MRNIP: variants seen among roughly 807,000 people sequenced by gnomAD.
MRNIP encodes the protein MRN complex interacting protein.
In MRNIP, 30 loss-of-function variants were observed where a neutral mutation model predicts 29.8. The observed-to-expected ratio is 1.01, with a 90% CI of 0.75 to 1.36. The LOEUF (loss-of-function observed/expected upper bound fraction) is 1.36. MRNIP is among the 40% of genes most tolerant of loss of function. MRNIP has a pLI of 0.00. For synonymous variants in MRNIP, 201 were observed against 164.1 expected, an observed-to-expected ratio of 1.23 and a Z score of -1.72; for missense variants, 459 against 423.5, an observed-to-expected ratio of 1.08 and a Z score of -0.74.
At chr5:179,841,631 G>T in intron 5 of MRNIP, 1 of 416,918 alleles carries the variant, frequency 2.4e-6, no homozygotes, top group Non-Finnish European at 4.3e-6. Context: ...CTCTCCCCTG[G>T]GGTCAGTACA....
In MRNIP at chr5:179,837,659, C is replaced by T. The variant is rs761182927; in HGVS notation, c.764G>A (p.Arg255Lys). The part of the protein sequence containing the change: ...EQPRSLQRDP[R>K]PAGPAQAKQG... ...CTTAGCCTGTGCTGGACCAGCTGGC[C>T]TGGGGTCCCTCTGAAGAGACCTTGG... Residue 255 changes from arginine to lysine, a missense_variant, in exon 7 of 7, where the codon AGG becomes AAG. Arg to Lys is a conservative substitution (Grantham distance 26, BLOSUM62 2). Coordinates refer to ENST00000292586, the MANE Select transcript of MRNIP (RefSeq NM_016175.4). The T allele has an allele frequency of 6.2e-7, 1 of 1,614,220 alleles. No homozygotes were observed. The highest frequency in any genetic ancestry group is 1.7e-5 in the Admixed American group (1 of 60,038).
At chr5:179,842,524 A>AAAC (rs1268080356) in intron 4 of MRNIP, among the ~76,000 whole-genome samples, 1 of 147,764 alleles carries the variant, frequency 6.8e-6, no homozygotes, top group African/African-American at 2.5e-5. Flanking sequence ...ACTAAAAAAA[A>AAAC]AACAACAACA....
chr5:179,838,433 T>G (rs1333197996), intron 6 of MRNIP: 1 of 160,116 alleles, frequency 6.2e-6, no homozygotes, highest in Admixed American at 5.8e-5. Context: ...CCCAGCACTT[T>G]GGGAGGCCAA....
At chr5:179,842,144 GC>G in intron 4 of MRNIP, 80 bp from the exon 5 acceptor site, 1 of 1,406,352 alleles carries the variant, frequency 7.1e-7, no homozygotes, top group Non-Finnish European at 9.8e-7. Context: ...CAACTCTTGG[GC>G]CTGAGGATCT....
In MRNIP at chr5:179,840,854, A is replaced by C. The variant is rs1159651653; in HGVS notation, c.537+18T>G. On this transcript the variant is annotated intron_variant, in intron 6 of 6. Coordinates refer to ENST00000292586, the MANE Select transcript of MRNIP (RefSeq NM_016175.4). Reference sequence around the variant, plus strand: ...CTCAGTGGTCACTGGGACCAGAGAGAAACTGTTTGTCACTGACCTTCTGGG... The same window carrying C: ...CTCAGTGGTCACTGGGACCAGAGAGCAACTGTTTGTCACTGACCTTCTGGG... 6.4e-7 allele frequency: 1 copy of C among 1,564,088 alleles called. No individual in the cohort carries two copies. The highest frequency in any genetic ancestry group is 1.7e-5 in the Admixed American group (1 of 59,222).
chr5:179,849,879 TGG>T (rs1759286796), intron 2 of MRNIP, among the ~76,000 whole-genome samples: 1 of 62,916 alleles, frequency 1.6e-5, no homozygotes. Context: ...GGTCCCGCTA[TGG>T]CACAGGCAGA....
At chr5:179,841,011 G>A (rs758774640) in intron 5 of MRNIP, 52 bp from the exon 6 acceptor site, 14 of 1,326,476 alleles carry the variant, frequency 1.1e-5, no homozygotes, top group Middle Eastern at 2.5e-4. Context: ...GTGGCACCCC[G>A]AGCCTGACTC....
chr5:179,845,621 G>A (rs1347381083), intron 3 of MRNIP, among the ~76,000 whole-genome samples: 1 of 151,380 alleles, frequency 6.6e-6, no homozygotes, highest in Non-Finnish European at 1.5e-5. Flanking sequence ...TCAGCCTCCT[G>A]AGTAGCTGGG....
chr5:179,841,808 TC>T, intron 5 of MRNIP, 98 bp downstream of exon 5: 4 of 1,318,992 alleles, frequency 3.0e-6, no homozygotes, highest in Non-Finnish European at 4.2e-6. Context: ...CACCTAGGCT[TC>T]CCGCGCTTGG....
At chr5:179,851,560 CG>C (rs1286541912) in intron 2 of MRNIP, 4 of 418,132 alleles carry the variant, frequency 9.6e-6, no homozygotes, top group African/African-American at 6.2e-5. Flanking sequence ...TTCAAGGGAC[CG>C]GGGATGAAGT....
At chr5:179,847,812 G>A (rs907994436) in intron 3 of MRNIP, 166 bp downstream of exon 3, 10 of 591,666 alleles carry the variant, frequency 1.7e-5, no homozygotes, top group Non-Finnish European at 2.4e-5. Context: ...CCCCGGGGTC[G>A]GTTCTGAGGG....
intron 3 of MRNIP, among the ~76,000 whole-genome samples, chr5:179,845,125 C>T (rs1349881600): frequency 6.6e-6 from 1 of 152,112 alleles, no homozygotes; most frequent in Admixed American, 6.6e-5. Flanking sequence ...GAATAATTTT[C>T]TAGATTTATC....
intron 2 of MRNIP, 185 bp downstream of exon 2, chr5:179,853,193 G>A (rs1454853276): frequency 6.6e-7 from 1 of 1,522,438 alleles, no homozygotes; most frequent in Non-Finnish European, 8.8e-7. Flanking sequence ...TCAAATGGCA[G>A]TACCTTTCCA....
At chr5:179,848,947 C>T (rs547025166) in intron 2 of MRNIP, among the ~76,000 whole-genome samples, 28 of 152,298 alleles carry the variant, frequency 1.8e-4, no homozygotes, top group African/African-American at 6.3e-4. Context: ...GAAGACGGTA[C>T]GAGACGGAAT....
chr5:179,839,266 A>C (rs991596705), intron 6 of MRNIP: 1 of 151,932 alleles, frequency 6.6e-6, no homozygotes, highest in African/African-American at 2.4e-5. Flanking sequence ...AAAAAAAAAA[A>C]ACAACAGTTG....
In MRNIP at chr5:179,840,831, CA is replaced by C. The variant is rs769574374; in HGVS notation, c.537+40del. The C allele has an allele frequency of 5.3e-5, 70 of 1,311,026 alleles. 1 individual carries two copies. The South Asian group carries it at 8.5e-4, about 16-fold the overall frequency. 81.2% of individuals were successfully genotyped at this position (1,311,026 alleles called of 1,614,324 possible). On this transcript the variant is annotated intron_variant, in intron 6 of 6. Transcript: ENST00000292586. ...AAGACAGAATTATCACACACACGCT[CA>C]GTGGTCACTGGGACCAGAGAGAAAC... is the stretch of plus-strand genomic sequence containing the variant.
At chr5:179,841,452 A>G (rs758530151) in intron 5 of MRNIP, 8 of 174,678 alleles carry the variant, frequency 4.6e-5, no homozygotes, top group Non-Finnish European at 7.2e-5. Context: ...TGAAAGCAGA[A>G]TCTACCTCCT....
chr5:179,848,979 T>C (rs1400023842), intron 2 of MRNIP, among the ~76,000 whole-genome samples: 1 of 152,004 alleles, frequency 6.6e-6, no homozygotes, highest in Non-Finnish European at 1.5e-5. Context: ...GGTCCTGCTA[T>C]GGCACAGGCA....
Position 179,856,186 on chromosome 5 carries a change from G to A in MRNIP, c.66+2545C>T, listed in dbSNP as rs147678472. Among the ~76,000 whole-genome samples, 21 of 152,072 alleles carry A rather than the reference G, an allele frequency of 1.4e-4. No homozygotes were observed. The East Asian group carries it at 4.1e-3, about 29-fold the overall frequency. On this transcript the variant is annotated intron_variant, in intron 1 of 6. Transcript: ENST00000292586. The stretch of plus-strand genomic sequence containing the variant: ...CTCCCAAAGTGCTGGGATTACAGGT[G>A]TGAGCCACCGCACCCGGCCAAGAAA...
Sources: gnomAD v4.1 joint callset for allele counts (sites outside exome capture counted in the v4.1 genomes callset) on GRCh38, gnomAD v4.1.1 for gene constraint, MANE v1.5 for transcripts, NCBI Gene and HGNC (gene_info 2026-07-23, HGNC 2026-07-21) for gene names.